Variants in KCNAB2 observed in about 807,000 individuals in gnomAD.
KCNAB2 encodes potassium voltage-gated channel subfamily A regulatory beta subunit 2.
KCNAB2 carries 29 observed loss-of-function variants against 63.6 expected under a neutral mutation model. The ratio of observed to expected loss-of-function variants is 0.46; its 90% CI spans 0.34 to 0.62. KCNAB2 has a LOEUF of 0.62. KCNAB2 is among the 20% of genes least tolerant of loss of function. The probability of loss-of-function intolerance (pLI) is 0.01; values close to 1 mark genes in which losing one functional copy is unlikely to be tolerated. For synonymous variants in KCNAB2, 222 were observed against 224.2 expected, an observed-to-expected ratio of 0.99 and a Z score of 0.09; for missense variants, 359 against 563.9, an observed-to-expected ratio of 0.64 and a Z score of 3.68.
At position 6,099,784 on chromosome 1, in the gene KCNAB2, G is replaced by A. The variant is rs866385073; in HGVS notation, c.*1210G>A. The A allele has an allele frequency of 6.7e-7, 1 of 1,493,376 alleles. No individual in the cohort carries two copies. Among genetic ancestry groups the A allele is most frequent in the South Asian group, 1.3e-5 (1 of 74,460 alleles). 92.5% of individuals were successfully genotyped at this position (1,493,376 alleles called of 1,614,324 possible). On this transcript the variant is annotated 3_prime_UTR_variant, in exon 16 of 16. Coordinates refer to ENST00000378083, the MANE Select transcript of KCNAB2 (RefSeq NM_001199862.2). ...CTCCCTGGAAAGACGGGCAGGGCTGGTTAGCCCCTCCCACTGCCTGACACC... is the reference window on the plus strand; with the variant it reads ...CTCCCTGGAAAGACGGGCAGGGCTGATTAGCCCCTCCCACTGCCTGACACC...
chr1:6,000,904 G>T (rs925133631), intron 1 of KCNAB2, among the ~76,000 whole-genome samples: 2 of 152,148 alleles, frequency 1.3e-5, no homozygotes, highest in East Asian at 1.9e-4. Context: ...GGGAGGAGGT[G>T]TATGGTCCAG....
At chr1:6,039,260 G>A (rs993181269) in intron 1 of KCNAB2, among the ~76,000 whole-genome samples, 2 of 152,216 alleles carry the variant, frequency 1.3e-5, no homozygotes, top group African/African-American at 4.8e-5. Flanking sequence ...AGGGCCAGGC[G>A]GCAGAGCATA....
chr1:6,085,153 G>A (rs1218866306), intron 5 of KCNAB2, 51 bp from the exon 6 acceptor site: 1 of 1,605,558 alleles, frequency 6.2e-7, no homozygotes, highest in African/African-American at 1.3e-5. Flanking sequence ...GTGGGTCTGG[G>A]TTTGATTTTT....
upstream of KCNAB2, among the ~76,000 whole-genome samples, chr1:6,042,426 C>A (rs138962850): frequency 6.6e-6 from 1 of 152,170 alleles, no homozygotes; most frequent in Non-Finnish European, 1.5e-5. Context: ...GGGCACCTGG[C>A]GAGAGACTGT....
chr1:6,055,949 G>A (rs975732324), intron 2 of KCNAB2, among the ~76,000 whole-genome samples: 5 of 152,206 alleles, frequency 3.3e-5, no homozygotes, highest in African/African-American at 1.2e-4. Flanking sequence ...GGCACTGCCC[G>A]GTGCCGCAAG....
chr1:5,995,271 C>T (rs1440246570), intron 1 of KCNAB2, among the ~76,000 whole-genome samples: 1 of 152,200 alleles, frequency 6.6e-6, no homozygotes, highest in Non-Finnish European at 1.5e-5. Context: ...CACCCAGCAG[C>T]CGGTCATCCT....
At chr1:6,031,377 G>A (rs72630663), upstream of KCNAB2, among the ~76,000 whole-genome samples, 24,484 of 152,116 alleles carry the variant, frequency 0.16, 2,264 homozygotes, top group Middle Eastern at 0.21. This position sits in a 1 kb window ranked among gnomAD's most constrained non-coding sequence, Gnocchi z 4.1. Context: ...GCACATTTGC[G>A]CCCAATATAA....
At chr1:6,067,548 G>A (rs1662859180) in intron 2 of KCNAB2, among the ~76,000 whole-genome samples, 1 of 152,158 alleles carries the variant, frequency 6.6e-6, no homozygotes, top group Non-Finnish European at 1.5e-5. Flanking sequence ...GTGAATTCTG[G>A]GATGACTCTG....
In KCNAB2 at chr1:6,074,028, C is replaced by T. The variant is rs575584197; in HGVS notation, c.300+258C>T. ...CTCGGGCCTCAGCATGTCCCTTAAG[C>T]TCCCCAGGACTCAGATTTCCCACAC... On this transcript the variant is annotated intron_variant, in intron 4 of 15. Coordinates refer to ENST00000378083, the MANE Select transcript of KCNAB2 (RefSeq NM_001199862.2). The surrounding 1 kb of genome is among the most constrained non-coding windows in gnomAD (Gnocchi z 4.9). Among the ~76,000 whole-genome samples the T allele has an allele frequency of 4.6e-5, 7 of 152,352 alleles. No homozygotes were observed. The South Asian group carries it at 1.2e-3, about 27-fold the overall frequency.
rs1196277244 is a variant in KCNAB2 at position 6,087,616 on chromosome 1, A to T, written c.470+105A>T. ...AAGGCTCCTGGGGTGGCGGGAGGAC[A>T]GTCCTCCTTGAGAAGGGAGAGTGGT... On this transcript the variant is annotated intron_variant, in intron 7 of 15. Coordinates refer to ENST00000378083, the MANE Select transcript of KCNAB2 (RefSeq NM_001199862.2). The surrounding 1 kb of genome is among the most constrained non-coding windows in gnomAD (Gnocchi z 6.4). The T allele has an allele frequency of 2.5e-6, 3 of 1,222,188 alleles. No individual in the cohort carries two copies. The East Asian group carries it at 7.2e-5, about 29-fold the overall frequency. The allele number at this position is 1,222,188 out of a possible 1,614,324, so 75.7% of individuals were successfully genotyped here. A position where few individuals can be genotyped will look rare whatever the true frequency, so the allele number is the denominator to read the frequency against.
chr1:6,041,226 G>A (rs558388531), upstream of KCNAB2: 3 of 157,218 alleles, frequency 1.9e-5, no homozygotes, highest in Middle Eastern at 6.5e-3. Flanking sequence ...AGCTGCGGAG[G>A]GCGTTCAGTG....
Position 6,095,463 on chromosome 1 carries a change from T to C in KCNAB2, c.853+20T>C, listed in dbSNP as rs1160479409. Reference sequence around the variant, plus strand: ...AGATAGGTGGGCACCCTCGGGCCCCTCGCCCCGCCCCACCCCACCCCTGCT... The same window carrying C: ...AGATAGGTGGGCACCCTCGGGCCCCCCGCCCCGCCCCACCCCACCCCTGCT... On this transcript the variant is annotated intron_variant, in intron 12 of 15. Transcript: ENST00000378083. 6.2e-7 allele frequency: 1 copy of C among 1,611,064 alleles called. No homozygotes were observed.
intron 1 of KCNAB2, among the ~76,000 whole-genome samples, chr1:6,050,148 C>G (rs1311622627): frequency 1.3e-5 from 2 of 152,232 alleles, no homozygotes; most frequent in Admixed American, 6.5e-5. Context: ...ATAGCCCTCC[C>G]AGCTCCTTCC....
chr1:6,041,843 G>A (rs1376362430), upstream of KCNAB2: 1 of 1,613,668 alleles, frequency 6.2e-7, no homozygotes, highest in South Asian at 1.1e-5. Context: ...CTCGGTATGG[G>A]AGTCCCAAAA....
intron 1 of KCNAB2, among the ~76,000 whole-genome samples, chr1:6,011,716 A>G (rs12727383): frequency 0.023 from 3,474 of 152,280 alleles, 59 homozygotes; most frequent in Admixed American, 0.041. Context: ...TCCAGGCAGG[A>G]GCTTCCAAGG....
intron 2 of KCNAB2, among the ~76,000 whole-genome samples, chr1:6,068,146 G>A (rs1319848593): frequency 2.0e-5 from 3 of 152,242 alleles, no homozygotes; most frequent in Non-Finnish European, 4.4e-5. Flanking sequence ...AGTTAAAAGC[G>A]GGACTATTTC....
At chr1:6,017,228 T>G (rs998707337) in intron 1 of KCNAB2, among the ~76,000 whole-genome samples, 1 of 152,022 alleles carries the variant, frequency 6.6e-6, no homozygotes, top group Non-Finnish European at 1.5e-5. Flanking sequence ...GGAGCACAGG[T>G]GTCTGCAGGG....
chr1:6,018,712 C>G, intron 1 of KCNAB2: 1 of 152,202 alleles, frequency 6.6e-6, no homozygotes, highest in East Asian at 1.9e-4. Context: ...GTGGACCCAG[C>G]AGGAAGGAAT....
At chr1:6,061,814 T>A (rs1480163664) in intron 2 of KCNAB2, among the ~76,000 whole-genome samples, 1 of 152,210 alleles carries the variant, frequency 6.6e-6, no homozygotes, top group Non-Finnish European at 1.5e-5. Flanking sequence ...TAGGTGACGT[T>A]GTTAAATTAA....
Sources: gnomAD v4.1 joint callset for allele counts (sites outside exome capture counted in the v4.1 genomes callset) on GRCh38, gnomAD v4.1.1 for gene constraint, Gnocchi (gnomAD v3.1) non-coding constraint, MANE v1.5 for transcripts, NCBI Gene and HGNC (gene_info 2026-07-23, HGNC 2026-07-21) for gene names.